Variants in GPR39 observed in about 807,000 individuals in gnomAD.
GPR39 encodes the protein G protein-coupled receptor 39.
Under a neutral mutation model 18.4 loss-of-function variants are expected in GPR39, and 23 were observed. The observed-to-expected ratio is 1.25, with a 90% CI of 0.90 to 1.77. The LOEUF (loss-of-function observed/expected upper bound fraction) is 1.77, where lower values mean the gene tolerates loss of function less well. GPR39 is among the 40% of genes most tolerant of loss of function. The probability of loss-of-function intolerance (pLI) is 0.00; values close to 1 mark genes in which losing one functional copy is unlikely to be tolerated. For synonymous variants in GPR39, 280 were observed against 257.9 expected (o/e 1.09, Z -0.82); for missense variants, 647 against 602.4 (o/e 1.07, Z -0.78).
intron 1 of GPR39, among the ~76,000 whole-genome samples, chr2:132,609,420 GA>G (rs753796628): frequency 2.0e-5 from 3 of 152,160 alleles, no homozygotes; most frequent in Non-Finnish European, 4.4e-5. Flanking sequence ...TTAAAGATGA[GA>G]AAACGGAGAG....
At chr2:132,556,918 C>A (rs1680162101) in intron 1 of GPR39, among the ~76,000 whole-genome samples, 2 of 152,142 alleles carry the variant, frequency 1.3e-5, no homozygotes, top group Non-Finnish European at 2.9e-5. Context: ...TGCCAAGATG[C>A]CCAGTGAGGG....
chr2:132,505,607 A>G (rs1573636366), intron 1 of GPR39, among the ~76,000 whole-genome samples: 1 of 152,146 alleles, frequency 6.6e-6, no homozygotes, highest in South Asian at 2.1e-4. Flanking sequence ...CTACATTCAT[A>G]GGATTCACCT....
At position 132,441,384 on chromosome 2, in the gene GPR39, C is replaced by CTT. The variant is rs56044915; in HGVS notation, c.856+23495_856+23496dup. ...CAGACTTTCTTTTCATGCATATATG[C>CTT]TTTTTTTTTTGTTGTTGTTGTTGTT... On this transcript the variant is annotated intron_variant, in intron 1 of 1. Transcript: ENST00000329321. Among the ~76,000 whole-genome samples, 385 of 92,488 alleles carry CTT rather than the reference C, an allele frequency of 4.2e-3. 6 individuals are homozygous for CTT. Among genetic ancestry groups the CTT allele is most frequent in the East Asian group, 0.035 (171 of 4,882 alleles). 60.7% of individuals were successfully genotyped at this position (92,488 alleles called of 152,430 possible). A position where few individuals can be genotyped will look rare whatever the true frequency, so the allele number is the denominator to read the frequency against.
At chr2:132,470,672 C>A (rs1476773582) in intron 1 of GPR39, among the ~76,000 whole-genome samples, 1 of 149,864 alleles carries the variant, frequency 6.7e-6, no homozygotes, top group Non-Finnish European at 1.5e-5. Flanking sequence ...TGTATAGATC[C>A]AGTTGTACAA....
intron 1 of GPR39, among the ~76,000 whole-genome samples, chr2:132,604,110 G>A (rs535510856): frequency 5.9e-5 from 9 of 152,188 alleles, no homozygotes; most frequent in African/African-American, 1.2e-4. Context: ...GTCCCAGGTT[G>A]TTCCAAGCAT....
Position 132,520,256 on chromosome 2 carries a change from C to T in GPR39, c.856+102358C>T, listed in dbSNP as rs557854304. 6.3e-4 allele frequency among the ~76,000 whole-genome samples: 96 copies of T among 152,280 alleles called. 1 individual carries two copies. Among genetic ancestry groups the T allele is most frequent in the African/African-American group, 2.1e-3 (88 of 41,546 alleles). On this transcript the variant is annotated intron_variant, in intron 1 of 1. Coordinates refer to ENST00000329321, the MANE Select transcript of GPR39 (RefSeq NM_001508.3). ...ACTCCACTCCAAGCAAGGCAAATGC[C>T]TTTGATACTGCTGTGGTACTTGCAT...
chr2:132,477,939 CAG>C (rs1225725421), intron 1 of GPR39, among the ~76,000 whole-genome samples: 1 of 152,182 alleles, frequency 6.6e-6, no homozygotes, highest in Non-Finnish European at 1.5e-5. Flanking sequence ...GCTTACTAAA[CAG>C]AGTTAATCCT....
At chr2:132,459,605 G>A (rs972084620) in intron 1 of GPR39, among the ~76,000 whole-genome samples, 2 of 152,178 alleles carry the variant, frequency 1.3e-5, no homozygotes, top group African/African-American at 4.8e-5. Flanking sequence ...GAAACACTCT[G>A]TATCCTCTCT....
At chr2:132,482,496 T>G (rs1681253573) in intron 1 of GPR39, among the ~76,000 whole-genome samples, 1 of 152,288 alleles carries the variant, frequency 6.6e-6, no homozygotes, top group South Asian at 2.1e-4. Context: ...TGGTGGCTAC[T>G]GGGGGCATCA....
chr2:132,644,220 G>T (rs1211338421), intron 1 of GPR39, among the ~76,000 whole-genome samples: 2 of 152,168 alleles, frequency 1.3e-5, no homozygotes, highest in African/African-American at 4.8e-5. Flanking sequence ...ACTTAAGTTG[G>T]AATACAAATA....
In GPR39 at chr2:132,479,596, A is replaced by G. The variant is rs186898829; in HGVS notation, c.856+61698A>G. 2.6e-5 allele frequency among the ~76,000 whole-genome samples: 4 copies of G among 152,342 alleles called. No homozygotes were observed. In the East Asian group the frequency reaches 5.8e-4, roughly 22 times the overall value. On this transcript the variant is annotated intron_variant, in intron 1 of 1. Transcript: ENST00000329321. Reference sequence around the variant, plus strand: ...GGGGTTTGATCAGAAACAGGAAAGAAGAATCTAGATGTAATGCTCACTATC... The same window carrying G: ...GGGGTTTGATCAGAAACAGGAAAGAGGAATCTAGATGTAATGCTCACTATC...
chr2:132,524,644 C>T (rs1371364882), intron 1 of GPR39, among the ~76,000 whole-genome samples: 1 of 152,110 alleles, frequency 6.6e-6, no homozygotes, highest in African/African-American at 2.4e-5. Flanking sequence ...TGGGTCTCTC[C>T]CAAACAAAAC....
chr2:132,636,967 C>A (rs1432957127), intron 1 of GPR39, among the ~76,000 whole-genome samples: 6 of 124,130 alleles, frequency 4.8e-5, no homozygotes, highest in Admixed American at 8.6e-5. Context: ...GCTTCATCTG[C>A]CAGGCTGAGA....
intron 1 of GPR39, chr2:132,433,582 A>G (rs1680260748): frequency 6.6e-6 from 1 of 151,870 alleles, no homozygotes; most frequent in African/African-American, 2.4e-5. Flanking sequence ...TCATGATATC[A>G]CAAGAAAAAG....
At chr2:132,458,233 G>A (rs1680767823) in intron 1 of GPR39, among the ~76,000 whole-genome samples, 1 of 152,192 alleles carries the variant, frequency 6.6e-6, no homozygotes. Context: ...GGGAGCTGCA[G>A]ACTGGAGCTG....
chr2:132,469,545 T>C (rs1680992665), intron 1 of GPR39, among the ~76,000 whole-genome samples: 1 of 152,208 alleles, frequency 6.6e-6, no homozygotes, highest in Admixed American at 6.5e-5. Context: ...CTGAGCGTCC[T>C]TTGGCTTTAA....
chr2:132,420,496 A>G (rs1679989484), intron 1 of GPR39, among the ~76,000 whole-genome samples: 1 of 152,222 alleles, frequency 6.6e-6, no homozygotes, highest in Non-Finnish European at 1.5e-5. Context: ...TTGTTTACAA[A>G]TCGCTGAATT....
intron 1 of GPR39, among the ~76,000 whole-genome samples, chr2:132,556,022 T>G (rs944498961): frequency 1.3e-5 from 2 of 151,976 alleles, no homozygotes; most frequent in Non-Finnish European, 2.9e-5. Flanking sequence ...AATTTGTGCT[T>G]CTAACAAGTT....
rs549872777 is a variant in GPR39 at position 132,558,748 on chromosome 2, T to C, written c.857-86353T>C. 2.0e-5 allele frequency among the ~76,000 whole-genome samples: 3 copies of C among 152,262 alleles called. No homozygotes were observed. The South Asian group carries it at 6.2e-4, about 32-fold the overall frequency. ...TTTATAGTATGGCAAGTAATAAGCA[T>C]TAGTGACCAGCCATGAATCCCAGAT... On this transcript the variant is annotated intron_variant, in intron 1 of 1. Coordinates refer to ENST00000329321, the MANE Select transcript of GPR39 (RefSeq NM_001508.3).
Sources: gnomAD v4.1 joint callset for allele counts (sites outside exome capture counted in the v4.1 genomes callset) on GRCh38, gnomAD v4.1.1 for gene constraint, MANE v1.5 for transcripts, NCBI Gene and HGNC (gene_info 2026-07-23, HGNC 2026-07-21) for gene names.